The following ADAMTS6 variants were observed in gnomAD, a reference collection of about 807,000 sequenced individuals.
ADAMTS6 encodes ADAM metallopeptidase with thrombospondin type 1 motif 6.
In ADAMTS6, 23 loss-of-function variants were observed where a neutral mutation model predicts 144.3. The observed-to-expected ratio is 0.16, with a 90% CI of 0.11 to 0.23. The LOEUF (loss-of-function observed/expected upper bound fraction) is 0.23. ADAMTS6 is among the 10% of genes least tolerant of loss of function. The pLI is 1.00. For missense variants in ADAMTS6, 999 were observed against 1,379.6 expected, an observed-to-expected ratio of 0.72 and a Z score of 4.37; for synonymous variants, 444 against 457.5, an observed-to-expected ratio of 0.97 and a Z score of 0.38.
At chr5:65,453,068 G>T (rs1198143388) in intron 4 of ADAMTS6, 150 bp from the exon 5 acceptor site, 1 of 553,138 alleles carries the variant, frequency 1.8e-6, no homozygotes, top group East Asian at 3.2e-5. Context: ...TGAGAAAAAA[G>T]TCTGTAAATT....
At chr5:65,291,284 A>G in intron 11 of ADAMTS6, 45 bp downstream of exon 11, 1 of 1,573,810 alleles carries the variant, frequency 6.4e-7, no homozygotes, top group South Asian at 1.2e-5. Context: ...TGTGTCATGG[A>G]AGAACACGTA....
intron 7 of ADAMTS6, among the ~76,000 whole-genome samples, chr5:65,422,471 A>C (rs1756134953): frequency 6.6e-6 from 1 of 152,020 alleles, no homozygotes; most frequent in Non-Finnish European, 1.5e-5. Context: ...AAAATACAAA[A>C]ATTAGTTGGG....
intron 1 of ADAMTS6, among the ~76,000 whole-genome samples, chr5:65,477,763 A>ATTTTT (rs201927162): frequency 7.8e-5 from 11 of 141,896 alleles, no homozygotes; most frequent in African/African-American, 2.8e-4. Flanking sequence ...CCCTCCCCAC[A>ATTTTT]TTTTTTTTTT....
chr5:65,431,516 A>G lies in ADAMTS6; in HGVS notation c.1073+19959T>C, dbSNP rs929443799. Among the ~76,000 whole-genome samples the G allele has an allele frequency of 7.9e-5, 12 of 152,308 alleles. No homozygotes were observed. In the East Asian group the frequency reaches 2.3e-3, roughly 29 times the overall value. Reference sequence around the variant, plus strand: ...CCCATGCTATGTGTAAACTAACCATAAGACAGGACCAAAGATATGAGACAC... The same window carrying G: ...CCCATGCTATGTGTAAACTAACCATGAGACAGGACCAAAGATATGAGACAC... On this transcript the variant is annotated intron_variant, in intron 7 of 24. Transcript: ENST00000381055.
rs369050521 is a variant in ADAMTS6, at chr5:65,466,989, C to T, written c.462+3789G>A. 1.3e-3 allele frequency among the ~76,000 whole-genome samples: 203 copies of T among 151,032 alleles called. 2 individuals are homozygous for T. The highest frequency in any genetic ancestry group is 4.8e-3 in the African/African-American group (197 of 41,028). ...CCCGGGAGGCGGAGCTTGCAGTGAG[C>T]CAAGATTGCGCCACTGCACCCAGCC... On this transcript the variant is annotated intron_variant, in intron 3 of 24. Transcript: ENST00000381055.
chr5:65,387,600 G>T (rs1752580925), intron 7 of ADAMTS6, among the ~76,000 whole-genome samples: 1 of 152,194 alleles, frequency 6.6e-6, no homozygotes, highest in Non-Finnish European at 1.5e-5. Flanking sequence ...CTCCGAGTAG[G>T]TAATAATCAG....
At chr5:65,325,423 G>A (rs139312895) in intron 9 of ADAMTS6, among the ~76,000 whole-genome samples, 1 of 151,542 alleles carries the variant, frequency 6.6e-6, no homozygotes, top group African/African-American at 2.4e-5. Flanking sequence ...GAATTCCTAC[G>A]GTTGAGACAA....
chr5:65,426,649 C>T (rs1050288841), intron 7 of ADAMTS6, among the ~76,000 whole-genome samples: 1 of 151,860 alleles, frequency 6.6e-6, no homozygotes, highest in African/African-American at 2.4e-5. Flanking sequence ...TAAAGAGATA[C>T]TTAAGAACTT....
intron 3 of ADAMTS6, among the ~76,000 whole-genome samples, chr5:65,468,895 C>A (rs1760225402): frequency 6.6e-6 from 1 of 152,150 alleles, no homozygotes; most frequent in African/African-American, 2.4e-5. Context: ...TTCTCAAATA[C>A]CATTAGATAT....
At chr5:65,409,046 A>G (rs908968615) in intron 7 of ADAMTS6, among the ~76,000 whole-genome samples, 19 of 152,226 alleles carry the variant, frequency 1.2e-4, no homozygotes, top group African/African-American at 4.3e-4. Flanking sequence ...AAGAGAAAGC[A>G]GGAAAGATCT....
At chr5:65,424,253 T>C (rs1445660665) in intron 7 of ADAMTS6, among the ~76,000 whole-genome samples, 2 of 152,148 alleles carry the variant, frequency 1.3e-5, no homozygotes, top group Non-Finnish European at 2.9e-5. Context: ...AAATCAAAGC[T>C]TTTCTGAAAC....
intron 7 of ADAMTS6, among the ~76,000 whole-genome samples, chr5:65,341,765 TAAG>T (rs1331700143): frequency 6.6e-6 from 1 of 152,132 alleles, no homozygotes; most frequent in East Asian, 1.9e-4. Context: ...ACAAATCTTC[TAAG>T]AAGGGTAAGT....
chr5:65,258,140 G>A (rs139059059), intron 14 of ADAMTS6, among the ~76,000 whole-genome samples: 7 of 152,242 alleles, frequency 4.6e-5, no homozygotes, highest in African/African-American at 1.4e-4. Flanking sequence ...ATAGAGTAGG[G>A]TAAGGAAGAT....
intron 1 of ADAMTS6, among the ~76,000 whole-genome samples, chr5:65,479,298 T>A (rs1761047049): frequency 6.6e-6 from 1 of 152,188 alleles, no homozygotes. Context: ...TCTAGATCAT[T>A]TATAAAATTT....
In ADAMTS6 at chr5:65,164,437, G is replaced by A. The variant is rs1465023228; in HGVS notation, c.3244+6180C>T. Among the ~76,000 whole-genome samples the A allele has an allele frequency of 5.2e-4, 76 of 147,342 alleles. No individual in the cohort carries two copies. The East Asian group carries it at 6.4e-3, about 12-fold the overall frequency. On this transcript the variant is annotated intron_variant, in intron 24 of 24. Coordinates refer to ENST00000381055, the MANE Select transcript of ADAMTS6 (RefSeq NM_197941.4). ...GCAGTCTGAGATCAAATTGCAAGGC[G>A]GCAGCGAGGCTGGGGGAGGGGCGCC...
intron 20 of ADAMTS6, chr5:65,210,345 G>A (rs1179324884): frequency 1.2e-5 from 2 of 163,414 alleles, no homozygotes; most frequent in East Asian, 1.8e-4. Context: ...CAGCTACACG[G>A]GAGGCTGAGG....
In ADAMTS6 at chr5:65,311,135, A is replaced by G. The variant is rs145116747; in HGVS notation, c.1224-11004T>C. 2.4e-4 allele frequency among the ~76,000 whole-genome samples: 36 copies of G among 152,330 alleles called. 1 individual carries two copies. In the East Asian group the frequency reaches 5.8e-3, roughly 24 times the overall value. ...GGTGCTCAGCAAATCTCTGAATCCAAATAAATTGTGCATCAATGGGAGACT... is the reference window on the plus strand; with the variant it reads ...GGTGCTCAGCAAATCTCTGAATCCAGATAAATTGTGCATCAATGGGAGACT... On this transcript the variant is annotated intron_variant, in intron 9 of 24. Coordinates refer to ENST00000381055, the MANE Select transcript of ADAMTS6 (RefSeq NM_197941.4).
At chr5:65,421,164 T>G (rs1756006381) in intron 7 of ADAMTS6, among the ~76,000 whole-genome samples, 1 of 152,236 alleles carries the variant, frequency 6.6e-6, no homozygotes, top group African/African-American at 2.4e-5. Context: ...AGAGTCTCTG[T>G]GAGTTTTATG....
intron 23 of ADAMTS6, among the ~76,000 whole-genome samples, chr5:65,172,392 C>T (rs1009460805): frequency 2.7e-5 from 4 of 149,660 alleles, no homozygotes; most frequent in African/African-American, 7.4e-5. Flanking sequence ...CCAGCCTGAG[C>T]GACAGAGTGA....
Sources: allele counts gnomAD v4.1 joint callset (sites outside exome capture counted in the v4.1 genomes callset), GRCh38; gene constraint gnomAD v4.1.1; transcripts MANE v1.5; gene names NCBI Gene and HGNC (gene_info 2026-07-23, HGNC 2026-07-21).